BRD10: variants seen among roughly 807,000 people sequenced by gnomAD.
BRD10 encodes bromodomain containing 10, also known as uncharacterized bromodomain-containing protein 10.
At chr9:5,988,473 A>G in the BRD10 span, 1 of 1,613,966 alleles carries the variant, frequency 6.2e-7, no homozygotes, top group African/African-American at 1.3e-5. Context: ...AGGTACATGC[A>G]GTTCCCTTCT....
chr9:5,957,359 A>C, the BRD10 span, among the ~76,000 whole-genome samples: 1 of 152,176 alleles, frequency 6.6e-6, no homozygotes, highest in Non-Finnish European at 1.5e-5. Flanking sequence ...CTGCACAAAT[A>C]TCTTAAGTTA....
the BRD10 span, chr9:5,922,857 G>A: frequency 6.2e-7 from 1 of 1,613,956 alleles, no homozygotes; most frequent in Non-Finnish European, 8.5e-7. Flanking sequence ...GGCTTTATCG[G>A]GCTTGCTTCC....
At chr9:5,911,412 T>TTG in the BRD10 span, among the ~76,000 whole-genome samples, 4 of 151,756 alleles carry the variant, frequency 2.6e-5, no homozygotes, top group South Asian at 6.2e-4. Flanking sequence ...TGTGTTTTTT[T>TTG]TTTTTTTTTT....
the BRD10 span, chr9:5,968,669 T>A: frequency 6.2e-7 from 1 of 1,613,852 alleles, no homozygotes; most frequent in Non-Finnish European, 8.5e-7. Context: ...ATGTTCTCCA[T>A]TACTTGTACT....
the BRD10 span, among the ~76,000 whole-genome samples, chr9:6,002,852 G>T: frequency 6.6e-6 from 1 of 151,442 alleles, no homozygotes; most frequent in African/African-American, 2.4e-5. Flanking sequence ...AATTTTTTTT[G>T]TTTGTTTGTT....
At chr9:5,911,398 T>G in the BRD10 span, among the ~76,000 whole-genome samples, 1 of 144,202 alleles carries the variant, frequency 6.9e-6, no homozygotes, top group Admixed American at 7.2e-5. Flanking sequence ...TTCATTGGTC[T>G]ATGTGTGTTT....
the BRD10 span, among the ~76,000 whole-genome samples, chr9:5,893,394 T>C: frequency 2.6e-5 from 4 of 152,170 alleles, no homozygotes; most frequent in Admixed American, 2.6e-4. Flanking sequence ...CTGCTCTTTC[T>C]TTGGAAAGAG....
the BRD10 span, among the ~76,000 whole-genome samples, chr9:5,978,492 T>C: frequency 4.0e-5 from 6 of 151,898 alleles, no homozygotes; most frequent in African/African-American, 1.4e-4. Flanking sequence ...TTTTCTAAGA[T>C]GAATAACACA....
At chr9:5,880,700 T>C in the BRD10 span, among the ~76,000 whole-genome samples, 1 of 147,528 alleles carries the variant, frequency 6.8e-6, no homozygotes, top group African/African-American at 2.5e-5. Context: ...TCCTCCAACA[T>C]TACTTTTTTT....
chr9:6,007,237 T>C, the BRD10 span: 2 of 1,613,894 alleles, frequency 1.2e-6, no homozygotes, highest in Non-Finnish European at 1.7e-6. Context: ...CATCTCCAGC[T>C]TCTGGCCCTG....
At chr9:5,933,514 T>A in the BRD10 span, among the ~76,000 whole-genome samples, 30 of 152,314 alleles carry the variant, frequency 2.0e-4, no homozygotes, top group African/African-American at 7.0e-4. Context: ...ATGGCCCAAC[T>A]ACCAAACACT....
chr9:5,894,243 C>G, the BRD10 span, among the ~76,000 whole-genome samples: 4 of 152,114 alleles, frequency 2.6e-5, no homozygotes, highest in African/African-American at 7.2e-5. The surrounding 1 kb of genome is among the most constrained non-coding windows in gnomAD (Gnocchi z 4.0). Context: ...ACCTCATAGC[C>G]AGGTGTACCC....
the BRD10 span, among the ~76,000 whole-genome samples, chr9:5,945,451 G>A: frequency 3.3e-5 from 5 of 152,070 alleles, no homozygotes; most frequent in African/African-American, 9.7e-5. Flanking sequence ...TAAAAGGACT[G>A]CAACTATATG....
chr9:5,950,817 A>T, the BRD10 span, among the ~76,000 whole-genome samples: 6 of 152,152 alleles, frequency 3.9e-5, no homozygotes, highest in Admixed American at 2.0e-4. Flanking sequence ...GTATCTGCAT[A>T]TAACACATCC....
the BRD10 span, among the ~76,000 whole-genome samples, chr9:5,927,332 A>C: frequency 2.0e-5 from 3 of 152,122 alleles, no homozygotes; most frequent in Admixed American, 2.0e-4. Flanking sequence ...CAAGGATAAC[A>C]CTCTACCAAA....
At chr9:5,974,136 A>T in the BRD10 span, among the ~76,000 whole-genome samples, 1 of 152,190 alleles carries the variant, frequency 6.6e-6, no homozygotes, top group Non-Finnish European at 1.5e-5. Context: ...ATCTTAAAAG[A>T]TGCAGAAAAA....
chr9:5,971,613 A>G, the BRD10 span, among the ~76,000 whole-genome samples: 2 of 152,232 alleles, frequency 1.3e-5, no homozygotes, highest in African/African-American at 4.8e-5. Context: ...GAAATGTCAT[A>G]CTATAACTGT....
At chr9:5,946,184 G>C in the BRD10 span, among the ~76,000 whole-genome samples, 1 of 151,900 alleles carries the variant, frequency 6.6e-6, no homozygotes, top group African/African-American at 2.4e-5. Context: ...AAAATGGCAA[G>C]ACAGTTCAAC....
At chr9:5,904,809 C>G in the BRD10 span, among the ~76,000 whole-genome samples, 1 of 138,722 alleles carries the variant, frequency 7.2e-6, no homozygotes, top group African/African-American at 2.7e-5. Context: ...AGTCTCACTC[C>G]GTTGCCCAGG....
Sources: allele counts gnomAD v4.1 joint callset (sites outside exome capture counted in the v4.1 genomes callset), GRCh38; gene constraint gnomAD v4.1.1; non-coding constraint Gnocchi (gnomAD v3.1); transcripts MANE v1.5; gene names NCBI Gene and HGNC (gene_info 2026-07-23, HGNC 2026-07-21).